Variants in KCP observed in about 807,000 individuals in gnomAD.
KCP encodes kielin/chordin-like protein.
Under a neutral mutation model 212.7 loss-of-function variants are expected in KCP, and 194 were observed. The ratio of observed to expected loss-of-function variants is 0.91; its 90% CI spans 0.81 to 1.03. KCP has a LOEUF of 1.03. KCP is among the 50% of genes least tolerant of loss of function. The probability of loss-of-function intolerance (pLI) is 0.00; values close to 1 mark genes in which losing one functional copy is unlikely to be tolerated. For missense variants in KCP, 2,080 were observed against 2,162.5 expected, an observed-to-expected ratio of 0.96 and a Z score of 0.76; for synonymous variants, 833 against 865.3, an observed-to-expected ratio of 0.96 and a Z score of 0.65.
intron 26 of KCP, among the ~76,000 whole-genome samples, chr7:128,885,515 A>G (rs999028477): frequency 2.0e-5 from 3 of 152,240 alleles, no homozygotes; most frequent in African/African-American, 7.2e-5. Flanking sequence ...AGCTCCAGGC[A>G]GCAGGCACTG....
At chr7:128,887,437 A>G (rs1475340609) in intron 22 of KCP, 137 bp from the exon 23 acceptor site, 2 of 699,706 alleles carry the variant, frequency 2.9e-6, no homozygotes, top group East Asian at 5.4e-5. Flanking sequence ...ACACATACCC[A>G]TATACACAGC....
chr7:128,879,609 C>G lies in KCP; in HGVS notation c.4059G>C (p.Pro1353=). 1 of 1,550,388 alleles carries G rather than the reference C, an allele frequency of 6.4e-7. No individual in the cohort carries two copies. Among genetic ancestry groups the G allele is most frequent in the East Asian group, 2.4e-5 (1 of 40,928 alleles). The change falls in exon 37 of 40, where the codon CCG becomes CCC. Residue 1353 remains proline (P), a synonymous_variant. Transcript: ENST00000610776. ...QDGAVTVDGH[P]VALPFLQEPL... is the part of the protein sequence containing the mutation. ...GCTCCTGCAGGAAGGGCAAGGCCAC[C>G]GGGTGCCCATCCACCTGGAGGATAA... is the stretch of plus-strand genomic sequence containing the variant.
Position 128,877,792 on chromosome 7 carries a change from T to A in KCP, c.4312-2A>T, listed in dbSNP as rs899974745. On this transcript the variant is annotated splice_acceptor_variant, in intron 38 of 39. Coordinates refer to ENST00000610776, the MANE Select transcript of KCP (RefSeq NM_001366122.1). LOFTEE classifies it high-confidence loss of function. ...GCCAGGCCACAGCCCCTCTGAGACCTGGGTGGGGAGAGCAGCCCTGACGTG... is the reference window on the plus strand; with the variant it reads ...GCCAGGCCACAGCCCCTCTGAGACCAGGGTGGGGAGAGCAGCCCTGACGTG... The A allele has an allele frequency of 1.9e-5, 30 of 1,544,450 alleles. No individual in the cohort carries two copies. Among genetic ancestry groups the A allele is most frequent in the Non-Finnish European group, 2.4e-5 (27 of 1,143,220 alleles).
intron 2 of KCP, 87 bp downstream of exon 2, chr7:128,908,339 T>C (rs1585263260): frequency 1.6e-6 from 2 of 1,267,616 alleles, no homozygotes; most frequent in Non-Finnish European, 1.1e-6. Context: ...TATTTTAGGC[T>C]CCCCCCTCCA....
chr7:128,885,212 ACT>A lies in KCP; in HGVS notation c.2923_2924del (p.Ser975CysfsTer32), dbSNP rs1418059761. The A allele has an allele frequency of 1.9e-6, 3 of 1,550,702 alleles. No individual in the cohort carries two copies. The highest frequency in any genetic ancestry group is 2.6e-6 in the Non-Finnish European group (3 of 1,146,952). ...PEGSRWVPPD[S>X]ACSSCVCHEG... ...CGTGACACACACAGGAGGAGCAGGC[ACT>A]GTCGGGGGGCACCCATCTACTGCCT... On this transcript the variant is annotated frameshift_variant, in exon 27 of 40. Coordinates refer to ENST00000610776, the MANE Select transcript of KCP (RefSeq NM_001366122.1). LOFTEE classifies it high-confidence loss of function.
rs951975548 is a variant in KCP at position 128,877,488 on chromosome 7, C to T, written c.4614G>A (p.Leu1538=). The T allele has an allele frequency of 1.8e-5, 28 of 1,550,986 alleles. No individual in the cohort carries two copies. In the Admixed American group the frequency reaches 5.3e-4, roughly 29 times the overall value. The part of the protein sequence containing the change: ...GVTPTWRGPT[L]CVVGCPLERG... The stretch of plus-strand genomic sequence containing the variant: ...CAGCGGGCATCACCCCCTCACCACA[C>T]AGCGTGGGGCCTCGCCAGGTAGGTG... The change falls in exon 39 of 40, where the codon CTG becomes CTA. Residue 1538 remains leucine, a synonymous_variant. Coordinates refer to ENST00000610776, the MANE Select transcript of KCP (RefSeq NM_001366122.1).
chr7:128,879,830 C>T lies in KCP; in HGVS notation c.3933-1G>A, dbSNP rs1793210865. On this transcript the variant is annotated splice_acceptor_variant, in intron 35 of 39. Transcript: ENST00000610776. LOFTEE classifies it high-confidence loss of function. ...CCGGTCATCATTGGTCACGTGCACA[C>T]TGTGGGCAGGAAAGTCCCAGGTGCC... 1 of 1,551,034 alleles carries T rather than the reference C, an allele frequency of 6.4e-7. No individual in the cohort carries two copies. The highest frequency in any genetic ancestry group is 1.4e-5 in the African/African-American group (1 of 73,170).
Position 128,886,453 on chromosome 7 carries a change from G to T in KCP, c.2866+11C>A. 1 of 1,540,886 alleles carries T rather than the reference G, an allele frequency of 6.5e-7. No homozygotes were observed. ...GGCTGAAGCAAGGGGTAGGGCTACA[G>T]GCGGCCATACCTCTGCAGCGAGGGC... On this transcript the variant is annotated intron_variant, in intron 26 of 39. Coordinates refer to ENST00000610776, the MANE Select transcript of KCP (RefSeq NM_001366122.1).
In KCP at chr7:128,891,655, C is replaced by G; in HGVS notation, c.1786G>C (p.Asp596His). Reference protein sequence around the residue: ...HPLPGTCCPNDCSGCAFGGKE... With the variant: ...HPLPGTCCPNHCSGCAFGGKE... ...GACCCGCCCACCTCACCGCTGCAGT[C>G]GTTCGGGCAGCAGGTCCCAGGCAGC... The change falls in exon 17 of 40, where the codon GAC becomes CAC. Residue 596 changes from aspartate to histidine, a missense_variant. Coordinates refer to ENST00000610776, the MANE Select transcript of KCP (RefSeq NM_001366122.1). 2 of 1,461,656 alleles carry G rather than the reference C, an allele frequency of 1.4e-6. No individual in the cohort carries two copies. Among genetic ancestry groups the G allele is most frequent in the Non-Finnish European group, 1.8e-6 (2 of 1,105,010 alleles). 90.5% of individuals were successfully genotyped at this position (1,461,656 alleles called of 1,614,324 possible).
At chr7:128,901,884 C>T (rs1323749486) in intron 8 of KCP, among the ~76,000 whole-genome samples, 2 of 152,168 alleles carry the variant, frequency 1.3e-5, no homozygotes, top group African/African-American at 2.4e-5. Context: ...CCCTACCTCC[C>T]CCAGGCTATT....
rs745368787 is a variant in KCP, at chr7:128,904,148, T to C, written c.572-10A>G. ...CCCTCATAATCACAGCCTGGGAAGGTTGGCAGGATGACAAGTGGGTCACCA... is the reference window on the plus strand; with the variant it reads ...CCCTCATAATCACAGCCTGGGAAGGCTGGCAGGATGACAAGTGGGTCACCA... On this transcript the variant is annotated splice_polypyrimidine_tract_variant and intron_variant, in intron 5 of 39. Transcript: ENST00000610776. 1.7e-5 allele frequency: 26 copies of C among 1,551,152 alleles called. No individual in the cohort carries two copies. Among genetic ancestry groups the C allele is most frequent in the Middle Eastern group, 1.7e-4 (1 of 6,014 alleles).
At chr7:128,909,238 C>A (rs1795306539) in intron 1 of KCP, among the ~76,000 whole-genome samples, 1 of 152,150 alleles carries the variant, frequency 6.6e-6, no homozygotes, top group Non-Finnish European at 1.5e-5. Flanking sequence ...AGACATAGGT[C>A]CCTCCTCCAG....
chr7:128,884,835 C>A lies in KCP; in HGVS notation c.3069G>T (p.Glu1023Asp). ...SDCEHEGRKYEPGESFQPGAD... is the reference protein window; with the variant it reads ...SDCEHEGRKYDPGESFQPGAD... ...CCCCAGGCTGGAAGCTCTCCCCAGG[C>A]TCGTACTTCCGGCCCTCATGCTCAC... Residue 1023 changes from glutamate to aspartate, a missense_variant, in exon 28 of 40, where the codon GAG becomes GAT. By Grantham distance (45) the Glu-to-Asp change is conservative. Transcript: ENST00000610776. The A allele has an allele frequency of 6.4e-7, 1 of 1,551,044 alleles. No homozygotes were observed. The highest frequency in any genetic ancestry group is 1.2e-5 in the South Asian group (1 of 84,064).
intron 8 of KCP, among the ~76,000 whole-genome samples, chr7:128,896,086 C>T (rs891713918): frequency 3.9e-5 from 6 of 152,086 alleles, no homozygotes; most frequent in South Asian, 2.1e-4. Flanking sequence ...GATGATAGTG[C>T]GGAAACCCCC....
chr7:128,892,402 T>C, intron 16 of KCP, 112 bp downstream of exon 16: 2 of 738,756 alleles, frequency 2.7e-6, no homozygotes, highest in Non-Finnish European at 4.4e-6. Flanking sequence ...GAAACAAGAC[T>C]GAAACAATTC....
Position 128,877,307 on chromosome 7 carries a change from T to C in KCP, c.4623A>G (p.Val1541=). Residue 1541 remains valine (V), a synonymous_variant, in exon 40 of 40, where the codon GTA becomes GTG. Transcript: ENST00000610776. Reference sequence around the variant, plus strand: ...CGAAGCCACGCTCCAGGGGGCAGCCTACCACTGCAGGGGGAGTGGGAGGCG... The same window carrying C: ...CGAAGCCACGCTCCAGGGGGCAGCCCACCACTGCAGGGGGAGTGGGAGGCG... ...PTWRGPTLCV[V]GCPLERGFVF... The C allele has an allele frequency of 6.6e-7, 1 of 1,522,916 alleles. No homozygotes were observed. Among genetic ancestry groups the C allele is most frequent in the East Asian group, 2.5e-5 (1 of 40,750 alleles). The allele number at this position is 1,522,916 out of a possible 1,614,324, so 94.3% of individuals were successfully genotyped here. A position where few individuals can be genotyped will look rare whatever the true frequency, so the allele number is the denominator to read the frequency against.
At chr7:128,908,307 G>GAAAGAAAGAAAGAAAGAAAGAAA (rs1554420571) in intron 2 of KCP, 119 bp downstream of exon 2, 1 of 394,942 alleles carries the variant, frequency 2.5e-6, no homozygotes, top group Non-Finnish European at 3.7e-6. Flanking sequence ...AGAAAGAAAG[G>GAAAGAAAGAAAGAAAGAAAGAAA]GAATTGTTCA....
chr7:128,894,442 C>T lies in KCP; in HGVS notation c.832-149G>A. 3 of 592,412 alleles carry T rather than the reference C, an allele frequency of 5.1e-6. No homozygotes were observed. The Admixed American group carries it at 9.3e-5, about 18-fold the overall frequency. The allele number at this position is 592,412 out of a possible 1,614,324, so 36.7% of individuals were successfully genotyped here. ...CCAAATCCATATGTTGAACTCCTCACCCCCAGCACCTCAGCCTGTTACACT... is the reference window on the plus strand; with the variant it reads ...CCAAATCCATATGTTGAACTCCTCATCCCCAGCACCTCAGCCTGTTACACT... On this transcript the variant is annotated intron_variant, in intron 8 of 39. Coordinates refer to ENST00000610776, the MANE Select transcript of KCP (RefSeq NM_001366122.1).
intron 22 of KCP, among the ~76,000 whole-genome samples, chr7:128,888,411 CACAT>C (rs775545094): frequency 4.8e-4 from 72 of 151,218 alleles, no homozygotes; most frequent in Admixed American, 3.4e-3. Context: ...CACACATACA[CACAT>C]ACAGCAACAC....
Sources: gnomAD v4.1 joint callset for allele counts (sites outside exome capture counted in the v4.1 genomes callset) on GRCh38, gnomAD v4.1.1 for gene constraint, MANE v1.5 for transcripts, NCBI Gene and HGNC (gene_info 2026-07-23, HGNC 2026-07-21) for gene names.